The following PUM2 variants were observed in gnomAD, a reference collection of about 807,000 sequenced individuals.
PUM2 encodes pumilio RNA binding family member 2, also known as pumilio homolog 2.
Under a neutral mutation model 124.5 loss-of-function variants are expected in PUM2, and 57 were observed. That is an observed-to-expected ratio of 0.46 (90% CI 0.37 to 0.57). The LOEUF (loss-of-function observed/expected upper bound fraction) is 0.57. Among genes scored for constraint, PUM2 ranks in the 20% least tolerant of loss-of-function variants. PUM2 has a pLI of 0.00. For synonymous variants in PUM2, 460 were observed against 446.1 expected, an observed-to-expected ratio of 1.03 and a Z score of -0.39; for missense variants, 1,065 against 1,290.6, an observed-to-expected ratio of 0.83 and a Z score of 2.68.
At chr2:20,279,338 C>A (rs1382127974) in intron 12 of PUM2, among the ~76,000 whole-genome samples, 1 of 152,056 alleles carries the variant, frequency 6.6e-6, no homozygotes, top group Non-Finnish European at 1.5e-5. Context: ...CCATATTGGC[C>A]CGAATATTGA....
At position 20,337,345 on chromosome 2, in the gene PUM2, T is replaced by C. The variant is rs190937986; in HGVS notation, c.-18-9967A>G. On this transcript the variant is annotated intron_variant, in intron 1 of 20. Transcript: ENST00000361078. ...TGTAAGTCCTCATCAGTAAAAGCAT[T>C]TATGCTTGAAATGGCATATTGTTTG... is the stretch of plus-strand genomic sequence containing the variant. Among the ~76,000 whole-genome samples the C allele has an allele frequency of 1.1e-3, 168 of 152,332 alleles. No homozygotes were observed. The Middle Eastern group carries it at 0.02, about 19-fold the overall frequency.
At chr2:20,311,413 A>T in intron 5 of PUM2, 81 bp downstream of exon 5, 1 of 1,379,058 alleles carries the variant, frequency 7.3e-7, no homozygotes, top group Non-Finnish European at 9.7e-7. Flanking sequence ...AATGATGAAA[A>T]TGTCTAAATC....
At position 20,333,523 on chromosome 2, in the gene PUM2, C is replaced by T. The variant is rs572676584; in HGVS notation, c.-18-6145G>A. Among the ~76,000 whole-genome samples the T allele has an allele frequency of 7.9e-5, 12 of 151,702 alleles. No homozygotes were observed. In the South Asian group the frequency reaches 1.5e-3, roughly 18 times the overall value. ...CCCTGTCTCAAAAAAAGAAAAGCAA[C>T]AACAACAACAACAAAAACAAAAGCC... On this transcript the variant is annotated intron_variant, in intron 1 of 20. Coordinates refer to ENST00000361078, the MANE Select transcript of PUM2 (RefSeq NM_015317.5).
intron 5 of PUM2, among the ~76,000 whole-genome samples, chr2:20,309,212 A>T (rs1351455856): frequency 6.6e-6 from 1 of 152,136 alleles, no homozygotes; most frequent in Non-Finnish European, 1.5e-5. Flanking sequence ...GTCATCTTTC[A>T]AGCTGCAGTC....
intron 10 of PUM2, among the ~76,000 whole-genome samples, chr2:20,289,860 A>G (rs1381225676): frequency 6.6e-6 from 1 of 152,240 alleles, no homozygotes; most frequent in Non-Finnish European, 1.5e-5. Flanking sequence ...TGGAACTCAA[A>G]TATCATTAGT....
intron 3 of PUM2, among the ~76,000 whole-genome samples, chr2:20,313,835 CAAAAAAAAAAAAAAAA>C (rs35569645): frequency 1.8e-5 from 1 of 55,028 alleles, no homozygotes; most frequent in Admixed American, 2.9e-4. Context: ...GATCCTGTCT[CAAAAAAAAAAAAAAAA>C]AAAAAAAAAG....
chr2:20,315,859 C>CAAAA, intron 3 of PUM2, among the ~76,000 whole-genome samples: 1 of 93,952 alleles, frequency 1.1e-5, no homozygotes, highest in Non-Finnish European at 2.3e-5. Flanking sequence ...AAAAAAAAAA[C>CAAAA]AAACCAAAAA....
rs370282344 is a variant in PUM2, at chr2:20,251,407, C to T, written c.*178G>A. The T allele has an allele frequency of 1.8e-3, 1,217 of 686,420 alleles. 26 individuals are homozygous for T. In the South Asian group the frequency reaches 0.027, roughly 15 times the overall value. The allele number at this position is 686,420 out of a possible 1,614,324, so 42.5% of individuals were successfully genotyped here. On this transcript the variant is annotated 3_prime_UTR_variant, in exon 21 of 21. Transcript: ENST00000361078. ...TGAATATAATTTATAATTCATCCCCCACCCCCCAAATATACACAAGAACCT... is the reference window on the plus strand; with the variant it reads ...TGAATATAATTTATAATTCATCCCCTACCCCCCAAATATACACAAGAACCT...
In PUM2 at chr2:20,248,771, T is replaced by C. The variant is rs1230082477; in HGVS notation, c.*2814A>G. On this transcript the variant is annotated 3_prime_UTR_variant, in exon 21 of 21. Coordinates refer to ENST00000361078, the MANE Select transcript of PUM2 (RefSeq NM_015317.5). ...TACAATGTTATTCACACATTTTTCA[T>C]TTTCTAATTTATACATAATATACAA... 6.5e-6 allele frequency: 1 copy of C among 152,676 alleles called. No homozygotes were observed. Among genetic ancestry groups the C allele is most frequent in the East Asian group, 1.9e-4 (1 of 5,204 alleles). The allele number at this position is 152,676 out of a possible 1,614,324, so 9.5% of individuals were successfully genotyped here.
At chr2:20,255,018 G>C (rs1470080494) in intron 18 of PUM2, 34 bp from the exon 19 acceptor site, 2 of 1,588,968 alleles carry the variant, frequency 1.3e-6, no homozygotes, top group African/African-American at 1.4e-5. Context: ...CTTTCCCTAA[G>C]TCATTCCTTA....
At chr2:20,285,902 T>A (rs1672605216) in intron 10 of PUM2, among the ~76,000 whole-genome samples, 1 of 152,054 alleles carries the variant, frequency 6.6e-6, no homozygotes, top group African/African-American at 2.4e-5. Flanking sequence ...ATGAAGAATC[T>A]CCATAACAAG....
intron 7 of PUM2, among the ~76,000 whole-genome samples, chr2:20,306,883 A>C (rs1289027272): frequency 6.6e-6 from 1 of 150,890 alleles, no homozygotes; most frequent in Non-Finnish European, 1.5e-5. Context: ...CTGGGATTTC[A>C]GGATGGCGCC....
At chr2:20,268,208 C>G (rs1163480797) in intron 13 of PUM2, among the ~76,000 whole-genome samples, 1 of 152,150 alleles carries the variant, frequency 6.6e-6, no homozygotes, top group East Asian at 1.9e-4. Flanking sequence ...TCTGGAAAAT[C>G]CACCTGAAGG....
chr2:20,307,643 T>C (rs1009488465), intron 7 of PUM2, among the ~76,000 whole-genome samples: 8 of 152,124 alleles, frequency 5.3e-5, no homozygotes, highest in Non-Finnish European at 1.2e-4. Flanking sequence ...AAAAAATATT[T>C]TACAAAAAAA....
chr2:20,342,332 T>G (rs180833144), intron 1 of PUM2, among the ~76,000 whole-genome samples: 1 of 152,314 alleles, frequency 6.6e-6, no homozygotes, highest in Non-Finnish European at 1.5e-5. Context: ...TGATCCCTTG[T>G]CCAATACATT....
chr2:20,312,525 A>G, intron 3 of PUM2, 102 bp from the exon 4 acceptor site: 2 of 1,076,514 alleles, frequency 1.9e-6, no homozygotes, highest in Non-Finnish European at 2.7e-6. Context: ...ACATTGTTTT[A>G]TTTTGAATGT....
At chr2:20,281,844 A>G (rs7558385) in intron 12 of PUM2, among the ~76,000 whole-genome samples, 41,736 of 152,126 alleles carry the variant, frequency 0.27, 6,251 homozygotes, top group Middle Eastern at 0.35. Context: ...TCTGCCATCT[A>G]AAAGTTTGTG....
At chr2:20,292,520 G>A (rs1436399349) in intron 9 of PUM2, among the ~76,000 whole-genome samples, 4 of 152,064 alleles carry the variant, frequency 2.6e-5, no homozygotes, top group Non-Finnish European at 5.9e-5. Context: ...ACGCCACCAC[G>A]CTTGGCTAAG....
chr2:20,291,606 CTT>C (rs1419099851), intron 9 of PUM2, among the ~76,000 whole-genome samples: 1 of 151,936 alleles, frequency 6.6e-6, no homozygotes, highest in Non-Finnish European at 1.5e-5. Flanking sequence ...TTCTTTCTTC[CTT>C]TTCTTTCCTC....
Sources: allele counts gnomAD v4.1 joint callset (sites outside exome capture counted in the v4.1 genomes callset), GRCh38; gene constraint gnomAD v4.1.1; transcripts MANE v1.5; gene names NCBI Gene and HGNC (gene_info 2026-07-23, HGNC 2026-07-21).